The following LRFN2 variants were observed in gnomAD, a reference collection of about 807,000 sequenced individuals.
LRFN2 encodes the protein leucine rich repeat and fibronectin type III domain containing 2.
In LRFN2, 18 loss-of-function variants were observed where a neutral mutation model predicts 37.3. That is an observed-to-expected ratio of 0.48 (90% CI 0.33 to 0.72). The LOEUF is 0.72. Ranked by LOEUF, LRFN2 falls within the 30% of genes least tolerant of loss-of-function variation. The probability of loss-of-function intolerance (pLI) is 0.02; values close to 1 mark genes in which losing one functional copy is unlikely to be tolerated. For synonymous variants in LRFN2, 556 were observed against 466.6 expected (o/e 1.19, Z -2.47); for missense variants, 1,006 against 1,060.7 (o/e 0.95, Z 0.72).
rs1767236143 is a variant in LRFN2 at position 40,574,251 on chromosome 6, T to C, written c.-19+12690A>G. ...GTAGCTATTTACCATTTTATACTCA[T>C]GACAACCCTAGGGATTAAGTATTGG... is the stretch of plus-strand genomic sequence containing the variant. On this transcript the variant is annotated intron_variant, in intron 1 of 2. Transcript: ENST00000338305. Among the ~76,000 whole-genome samples, 5 of 152,166 alleles carry C rather than the reference T, an allele frequency of 3.3e-5. No homozygotes were observed. In the South Asian group the frequency reaches 1.0e-3, roughly 32 times the overall value.
Position 40,392,167 on chromosome 6 carries a change from C to T in LRFN2, c.2146G>A (p.Gly716Ser), listed in dbSNP as rs1762518696. The T allele has an allele frequency of 6.2e-7, 1 of 1,600,632 alleles. No individual in the cohort carries two copies. The highest frequency in any genetic ancestry group is 1.1e-5 in the South Asian group (1 of 88,746). ...ARSLLPLPLE[G>S]KAKRSHSFDM... The stretch of plus-strand genomic sequence containing the variant: ...AAGGAGTGGCTGCGTTTGGCCTTGC[C>T]CTCCAACGGCAAGGGGAGCAGGCTC... Residue 716 changes from glycine to serine, a missense_variant, in exon 3 of 3, where the codon GGC becomes AGC. Coordinates refer to ENST00000338305, the MANE Select transcript of LRFN2 (RefSeq NM_020737.3). The surrounding 1 kb of genome is among the most constrained non-coding windows in gnomAD (Gnocchi z 4.7).
intron 1 of LRFN2, among the ~76,000 whole-genome samples, chr6:40,476,623 C>A (rs187028983): frequency 1.8e-3 from 269 of 152,382 alleles, no homozygotes; most frequent in Non-Finnish European, 3.1e-3. Flanking sequence ...CACTCTTGGT[C>A]TCTAGAAGCC....
intron 1 of LRFN2, among the ~76,000 whole-genome samples, chr6:40,553,309 AT>A (rs1388698170): frequency 6.6e-6 from 1 of 152,164 alleles, no homozygotes; most frequent in African/African-American, 2.4e-5. Flanking sequence ...AACACAATCA[AT>A]TTTTTAAATA....
intron 1 of LRFN2, among the ~76,000 whole-genome samples, chr6:40,446,751 G>A (rs963074260): frequency 5.3e-5 from 8 of 152,266 alleles, no homozygotes; most frequent in African/African-American, 1.9e-4. Flanking sequence ...GAGAGGTGCA[G>A]GCAGGGAATA....
chr6:40,402,887 T>A (rs1762770844), intron 2 of LRFN2, among the ~76,000 whole-genome samples: 2 of 152,204 alleles, frequency 1.3e-5, no homozygotes, highest in Non-Finnish European at 2.9e-5. Context: ...CTGGGAATTC[T>A]GAGGGAAGTG....
At chr6:40,503,046 G>T (rs979655211) in intron 1 of LRFN2, among the ~76,000 whole-genome samples, 3 of 152,210 alleles carry the variant, frequency 2.0e-5, no homozygotes, top group African/African-American at 7.2e-5. Context: ...TCTGGGGACT[G>T]GGAGGCCATG....
chr6:40,513,581 C>A (rs1765775295), intron 1 of LRFN2, among the ~76,000 whole-genome samples: 1 of 152,102 alleles, frequency 6.6e-6, no homozygotes, highest in South Asian at 2.1e-4. Context: ...GCACTGTGAG[C>A]AGGGAACAAA....
rs144839913 is a variant in LRFN2 at position 40,495,828 on chromosome 6, C to T, written c.-18-62697G>A. Among the ~76,000 whole-genome samples, 373 of 152,290 alleles carry T rather than the reference C, an allele frequency of 2.4e-3. 1 individual carries two copies. Among genetic ancestry groups the T allele is most frequent in the African/African-American group, 7.8e-3 (325 of 41,544 alleles). On this transcript the variant is annotated intron_variant, in intron 1 of 2. Coordinates refer to ENST00000338305, the MANE Select transcript of LRFN2 (RefSeq NM_020737.3). ...ACTGAGATGATCATATCTGGTCATA[C>T]GACTTCCAACACCTTCTAGTGGATG...
chr6:40,559,895 A>C (rs846505), intron 1 of LRFN2, among the ~76,000 whole-genome samples: 89,969 of 151,986 alleles, frequency 0.59, 27,159 homozygotes, highest in African/African-American at 0.69. Context: ...GCAGCTGGTA[A>C]ATAGGGCTGG....
intron 1 of LRFN2, among the ~76,000 whole-genome samples, chr6:40,561,573 A>G (rs764565243): frequency 1.4e-4 from 21 of 152,166 alleles, no homozygotes; most frequent in Non-Finnish European, 2.9e-4. Context: ...TTGTCAGTAC[A>G]TGGGGTACTA....
intron 1 of LRFN2, among the ~76,000 whole-genome samples, chr6:40,464,263 T>C (rs996699223): frequency 1.3e-5 from 2 of 152,242 alleles, no homozygotes; most frequent in African/African-American, 2.4e-5. Context: ...ATATTTCTGA[T>C]GAATCAATAG....
intron 2 of LRFN2, among the ~76,000 whole-genome samples, chr6:40,421,285 A>G (rs996672945): frequency 6.6e-6 from 1 of 152,176 alleles, no homozygotes; most frequent in African/African-American, 2.4e-5. Flanking sequence ...TAGAAAGTTT[A>G]TTTTGCCAAG....
intron 2 of LRFN2, among the ~76,000 whole-genome samples, chr6:40,410,747 G>A (rs572886662): frequency 1.1e-4 from 16 of 152,306 alleles, no homozygotes; most frequent in Non-Finnish European, 1.8e-4. Flanking sequence ...GGTGGCAGAA[G>A]ATGAGCCGCC....
intron 1 of LRFN2, among the ~76,000 whole-genome samples, chr6:40,560,647 G>A (rs1046314123): frequency 2.4e-4 from 37 of 152,136 alleles, no homozygotes; most frequent in African/African-American, 8.2e-4. Flanking sequence ...ATGATCCATC[G>A]GTTGGTCATG....
At chr6:40,478,983 G>T (rs561284065) in intron 1 of LRFN2, among the ~76,000 whole-genome samples, 2 of 152,296 alleles carry the variant, frequency 1.3e-5, no homozygotes, top group African/African-American at 4.8e-5. Flanking sequence ...ATTATACTCT[G>T]AGGAGTTGGT....
rs933273557 is a variant in LRFN2, at chr6:40,391,829, C to T, written c.*114G>A. 20 of 1,167,844 alleles carry T rather than the reference C, an allele frequency of 1.7e-5. No homozygotes were observed. In the Admixed American group the frequency reaches 2.0e-4, roughly 12 times the overall value. 72.3% of individuals were successfully genotyped at this position (1,167,844 alleles called of 1,614,324 possible). On this transcript the variant is annotated 3_prime_UTR_variant, in exon 3 of 3. Transcript: ENST00000338305. ...GGACACGAGGCCATTGACAGGGAGACGAAACTGTCCCTGGATGTAAACATC... is the reference window on the plus strand; with the variant it reads ...GGACACGAGGCCATTGACAGGGAGATGAAACTGTCCCTGGATGTAAACATC...
intron 1 of LRFN2, among the ~76,000 whole-genome samples, chr6:40,510,889 G>A (rs546553892): frequency 3.9e-5 from 6 of 152,272 alleles, no homozygotes; most frequent in Admixed American, 6.5e-5. Flanking sequence ...AAGGAAAGGT[G>A]CACAAATCCC....
intron 1 of LRFN2, among the ~76,000 whole-genome samples, chr6:40,508,013 G>C (rs891574568): frequency 1.3e-5 from 2 of 152,166 alleles, no homozygotes; most frequent in East Asian, 3.9e-4. Flanking sequence ...GAGTGGGCCA[G>C]TAACCTGCAG....
intron 1 of LRFN2, among the ~76,000 whole-genome samples, chr6:40,455,559 TC>T (rs1269292650): frequency 3.3e-5 from 5 of 152,088 alleles, no homozygotes; most frequent in Non-Finnish European, 7.4e-5. Flanking sequence ...TATTACATAT[TC>T]CCCCCAGGGC....
Sources: gnomAD v4.1 joint callset for allele counts (sites outside exome capture counted in the v4.1 genomes callset) on GRCh38, gnomAD v4.1.1 for gene constraint, Gnocchi (gnomAD v3.1) non-coding constraint, MANE v1.5 for transcripts, NCBI Gene and HGNC (gene_info 2026-07-23, HGNC 2026-07-21) for gene names.